The following ZFAND3 variants were observed in gnomAD, a reference collection of about 807,000 sequenced individuals.
ZFAND3 encodes the protein zinc finger AN1-type containing 3.
In ZFAND3, 10 loss-of-function variants were observed where a neutral mutation model predicts 29.6. That is an observed-to-expected ratio of 0.34 (90% CI 0.21 to 0.57). The LOEUF (loss-of-function observed/expected upper bound fraction) is 0.57. ZFAND3 is among the 20% of genes least tolerant of loss of function. The probability of loss-of-function intolerance (pLI) is 0.86; values close to 1 mark genes in which losing one functional copy is unlikely to be tolerated. For synonymous variants in ZFAND3, 128 were observed against 112.6 expected (o/e 1.14, Z -0.87); for missense variants, 230 against 304.5 (o/e 0.76, Z 1.82).
intron 1 of ZFAND3, chr6:37,832,869 T>A (rs375531983): frequency 1.3e-5 from 2 of 152,288 alleles, no homozygotes; most frequent in East Asian, 3.9e-4. Context: ...TTTTTTTTTG[T>A]AGAGATGGGG....
At chr6:38,055,589 T>A (rs773846775) in intron 2 of ZFAND3, among the ~76,000 whole-genome samples, 5 of 152,184 alleles carry the variant, frequency 3.3e-5, no homozygotes, top group Non-Finnish European at 7.4e-5. Flanking sequence ...TCTTAGTTCC[T>A]CTTCTACTTC....
At chr6:37,875,387 T>G (rs1416467628) in intron 1 of ZFAND3, among the ~76,000 whole-genome samples, 3 of 152,214 alleles carry the variant, frequency 2.0e-5, no homozygotes, top group Non-Finnish European at 4.4e-5. Flanking sequence ...AAAAATAAAC[T>G]TAATTTTAGT....
At chr6:38,100,897 A>G (rs1765080011) in intron 4 of ZFAND3, among the ~76,000 whole-genome samples, 1 of 152,164 alleles carries the variant, frequency 6.6e-6, no homozygotes, top group African/African-American at 2.4e-5. Flanking sequence ...TGTGTATTAT[A>G]TCCATATCCC....
chr6:37,827,922 T>C (rs964524417), intron 1 of ZFAND3, among the ~76,000 whole-genome samples: 1 of 152,212 alleles, frequency 6.6e-6, no homozygotes, highest in African/African-American at 2.4e-5. Context: ...TGTTTCCAGG[T>C]TGTGGATAAG....
intron 1 of ZFAND3, among the ~76,000 whole-genome samples, chr6:37,870,845 A>G (rs2127387988): frequency 6.6e-6 from 1 of 152,310 alleles, no homozygotes; most frequent in Admixed American, 6.5e-5. Context: ...ACTCCTCGCT[A>G]TAAATCAGTA....
rs76660766 is a variant in ZFAND3 at position 38,102,162 on chromosome 6, A to T, written c.362-14410A>T. Among the ~76,000 whole-genome samples the T allele has an allele frequency of 3.4e-3, 502 of 147,660 alleles. 3 individuals are homozygous for T. Among genetic ancestry groups the T allele is most frequent in the African/African-American group, 0.012 (462 of 39,854 alleles). ...CTCCTCCTTCATCTTCTTCTTCTTC[A>T]TCTTCATCTTATTGTTGAGTACCAG... On this transcript the variant is annotated intron_variant, in intron 4 of 5. Coordinates refer to ENST00000287218, the MANE Select transcript of ZFAND3 (RefSeq NM_021943.3).
At chr6:38,058,576 C>G (rs938027801) in intron 2 of ZFAND3, among the ~76,000 whole-genome samples, 3 of 152,204 alleles carry the variant, frequency 2.0e-5, no homozygotes, top group African/African-American at 4.8e-5. Flanking sequence ...TTAGCAGTTA[C>G]TAACTGGCTA....
At chr6:38,008,117 A>G (rs1763082355) in intron 2 of ZFAND3, among the ~76,000 whole-genome samples, 1 of 152,330 alleles carries the variant, frequency 6.6e-6, no homozygotes, top group South Asian at 2.1e-4. Flanking sequence ...CAAGGGTTTC[A>G]GTTAGGTAAC....
intron 2 of ZFAND3, among the ~76,000 whole-genome samples, chr6:37,948,197 A>G (rs1403538472): frequency 6.6e-6 from 1 of 152,218 alleles, no homozygotes; most frequent in African/African-American, 2.4e-5. Context: ...GGATAGTGAA[A>G]TATCTGAATA....
At chr6:37,926,454 T>TGTG (rs1761486602) in intron 1 of ZFAND3, among the ~76,000 whole-genome samples, 1 of 152,188 alleles carries the variant, frequency 6.6e-6, no homozygotes, top group African/African-American at 2.4e-5. Context: ...TCCATCTTCA[T>TGTG]GTGGCTGTTT....
rs536174956 is a variant in ZFAND3 at position 37,890,463 on chromosome 6, C to T, written c.72-39496C>T. Among the ~76,000 whole-genome samples the T allele has an allele frequency of 7.2e-5, 11 of 152,248 alleles. No individual in the cohort carries two copies. The South Asian group carries it at 1.5e-3, about 20-fold the overall frequency. The stretch of plus-strand genomic sequence containing the variant: ...GACACTGTTACTATCTGAATGGCTG[C>T]GAAGAAGCCCTTTATTTCTTTGAGA... On this transcript the variant is annotated intron_variant, in intron 1 of 5. Coordinates refer to ENST00000287218, the MANE Select transcript of ZFAND3 (RefSeq NM_021943.3).
intron 2 of ZFAND3, among the ~76,000 whole-genome samples, chr6:38,045,715 T>A (rs1025119844): frequency 2.0e-5 from 3 of 152,232 alleles, no homozygotes; most frequent in African/African-American, 7.2e-5. Flanking sequence ...AAAAATATCA[T>A]ATATAGATTA....
intron 2 of ZFAND3, among the ~76,000 whole-genome samples, chr6:38,038,859 C>T (rs1763708299): frequency 6.6e-6 from 1 of 152,168 alleles, no homozygotes; most frequent in East Asian, 1.9e-4. Context: ...CGGCTTGGGG[C>T]AGCACTATCT....
At chr6:37,875,619 A>C (rs1405563877) in intron 1 of ZFAND3, among the ~76,000 whole-genome samples, 1 of 150,024 alleles carries the variant, frequency 6.7e-6, no homozygotes, top group Non-Finnish European at 1.5e-5. Context: ...TGTTTATGTA[A>C]TAGTTAATTT....
intron 1 of ZFAND3, among the ~76,000 whole-genome samples, chr6:37,904,455 T>C (rs1765373593): frequency 6.6e-6 from 1 of 152,200 alleles, no homozygotes; most frequent in Non-Finnish European, 1.5e-5. Flanking sequence ...CATTGGAACT[T>C]CCAGGTCATA....
At chr6:38,058,567 T>C (rs926532403) in intron 2 of ZFAND3, among the ~76,000 whole-genome samples, 2 of 152,222 alleles carry the variant, frequency 1.3e-5, no homozygotes, top group Non-Finnish European at 2.9e-5. Context: ...CTGATCACCT[T>C]AGCAGTTACT....
chr6:38,021,598 A>G (rs961493812), intron 2 of ZFAND3, among the ~76,000 whole-genome samples: 10 of 152,208 alleles, frequency 6.6e-5, no homozygotes, highest in African/African-American at 2.4e-4. Flanking sequence ...TCCTCTTTTC[A>G]TGGAATTAAT....
chr6:38,023,003 T>C (rs965823735), intron 2 of ZFAND3, among the ~76,000 whole-genome samples: 24 of 152,212 alleles, frequency 1.6e-4, no homozygotes, highest in African/African-American at 5.5e-4. Flanking sequence ...GGACAAAGAA[T>C]GCATATTCTT....
chr6:37,986,943 G>A (rs1762681697), intron 2 of ZFAND3, among the ~76,000 whole-genome samples: 1 of 152,156 alleles, frequency 6.6e-6, no homozygotes, highest in South Asian at 2.1e-4. Context: ...GGAATACAAA[G>A]ATAAGTAAGA....
Sources: gnomAD v4.1 joint callset for allele counts (sites outside exome capture counted in the v4.1 genomes callset) on GRCh38, gnomAD v4.1.1 for gene constraint, MANE v1.5 for transcripts, NCBI Gene and HGNC (gene_info 2026-07-23, HGNC 2026-07-21) for gene names.